LAMA3: variants seen among roughly 807,000 people sequenced by gnomAD.
LAMA3 encodes laminin subunit alpha 3, also known as laminin subunit alpha-3.
LAMA3 carries 281 observed loss-of-function variants against 402.0 expected under a neutral mutation model. The observed-to-expected ratio is 0.70, with a 90% CI of 0.63 to 0.77. LAMA3 has a LOEUF of 0.77. Ranked by LOEUF, LAMA3 falls within the 30% of genes least tolerant of loss-of-function variation. The pLI is 0.00. For synonymous variants in LAMA3, 1,431 were observed against 1,558.4 expected (o/e 0.92, Z 1.93); for missense variants, 3,840 against 4,215.5 (o/e 0.91, Z 2.47).
chr18:23,731,941 A>G (rs2061401348), intron 2 of LAMA3, among the ~76,000 whole-genome samples: 1 of 152,100 alleles, frequency 6.6e-6, no homozygotes, highest in Admixed American at 6.6e-5. Context: ...AATAAAATAA[A>G]AGGCTAATGG....
chr18:23,881,304 T>A (rs2064888317), intron 39 of LAMA3, among the ~76,000 whole-genome samples: 1 of 152,244 alleles, frequency 6.6e-6, no homozygotes, highest in South Asian at 2.1e-4. Flanking sequence ...GACACTGGAA[T>A]TCAGTTGAGT....
chr18:23,905,131 C>G (rs2081199221), intron 51 of LAMA3, among the ~76,000 whole-genome samples: 1 of 152,046 alleles, frequency 6.6e-6, no homozygotes, highest in African/African-American at 2.4e-5. Context: ...AAATAAAGAA[C>G]AAAATATTAA....
intron 39 of LAMA3, among the ~76,000 whole-genome samples, chr18:23,877,167 C>T (rs915792144): frequency 6.6e-6 from 1 of 152,132 alleles, no homozygotes; most frequent in Non-Finnish European, 1.5e-5. Flanking sequence ...GCTGCTCACC[C>T]CTCCCGTCCT....
chr18:23,952,959 A>T, intron 73 of LAMA3, 31 bp from the exon 74 acceptor site: 1 of 1,613,700 alleles, frequency 6.2e-7, no homozygotes. Context: ...CTCACCTCCG[A>T]TGATAGACCT....
intron 6 of LAMA3, among the ~76,000 whole-genome samples, chr18:23,754,636 T>C (rs1253768220): frequency 6.6e-6 from 1 of 152,228 alleles, no homozygotes; most frequent in Non-Finnish European, 1.5e-5. Context: ...AAGGCTGCTG[T>C]GAACATGAAT....
intron 60 of LAMA3, among the ~76,000 whole-genome samples, chr18:23,919,626 A>G (rs1475646336): frequency 6.6e-6 from 1 of 152,186 alleles, no homozygotes; most frequent in Non-Finnish European, 1.5e-5. Context: ...TGAACAGGAC[A>G]TGGGGACAGG....
rs890235999 is a variant in LAMA3, at chr18:23,689,668, G to A, written c.-16G>A. The A allele has an allele frequency of 1.3e-5, 17 of 1,309,554 alleles. No homozygotes were observed. The highest frequency in any genetic ancestry group is 4.2e-5 in the Admixed American group (1 of 23,774). 81.1% of individuals were successfully genotyped at this position (1,309,554 alleles called of 1,614,324 possible). The stretch of plus-strand genomic sequence containing the variant: ...CCTCTGCGGACGGCTCAGGCGGGAG[G>A]ACCCCGCGCGGCTGGATGGCGGCGG... On this transcript the variant is annotated 5_prime_UTR_variant, in exon 1 of 75. Transcript: ENST00000313654.
Position 23,778,665 on chromosome 18 carries a change from A to C in LAMA3, c.1468+1046A>C, listed in dbSNP as rs117577979. On this transcript the variant is annotated intron_variant, in intron 11 of 74. Transcript: ENST00000313654. ...CGCACACAGCCCACGACTGGGCACC[A>C]TCGGACTCATGCTCACATCTCCTGA... is the stretch of plus-strand genomic sequence containing the variant. Among the ~76,000 whole-genome samples the C allele has an allele frequency of 3.0e-4, 45 of 152,340 alleles. 2 individuals carry two copies. The East Asian group carries it at 8.3e-3, about 28-fold the overall frequency.
intron 8 of LAMA3, among the ~76,000 whole-genome samples, chr18:23,769,370 T>C (rs1049040503): frequency 1.3e-5 from 2 of 151,834 alleles, no homozygotes; most frequent in African/African-American, 2.4e-5. Context: ...AAAATTAGAG[T>C]ATGTAGGGCC....
chr18:23,883,182 G>A (rs1214074923), intron 40 of LAMA3, among the ~76,000 whole-genome samples: 2 of 152,206 alleles, frequency 1.3e-5, no homozygotes, highest in African/African-American at 2.4e-5. Flanking sequence ...CCTGCAGGCT[G>A]TGGTCAAGCA....
chr18:23,708,922 T>TA (rs1238460077), intron 1 of LAMA3, among the ~76,000 whole-genome samples: 38 of 94,964 alleles, frequency 4.0e-4, no homozygotes, highest in Admixed American at 1.5e-3. Flanking sequence ...CACACCTGGC[T>TA]AATTAAAAAA....
chr18:23,839,908 G>A lies in LAMA3; in HGVS notation c.3315G>A (p.Gly1105=). 1.9e-6 allele frequency: 3 copies of A among 1,614,072 alleles called. No individual in the cohort carries two copies. Among genetic ancestry groups the A allele is most frequent in the Non-Finnish European group, 1.7e-6 (2 of 1,180,022 alleles). The part of the protein sequence containing the change: ...QSSPSVDVLP[G]VTLKAPQNQV... ...CACCTTCTGTTGATGTTCTTCCTGG[G>A]GTCACCTTGAAGGCACCGCAGGTAG... is the stretch of plus-strand genomic sequence containing the variant. Residue 1105 remains glycine, a synonymous_variant, in exon 27 of 75, where the codon GGG becomes GGA. Coordinates refer to ENST00000313654, the MANE Select transcript of LAMA3 (RefSeq NM_198129.4). This position sits in a 1 kb window ranked among gnomAD's most constrained non-coding sequence, Gnocchi z 4.5.
chr18:23,853,964 A>G (rs1269835053), intron 32 of LAMA3, among the ~76,000 whole-genome samples: 1 of 152,178 alleles, frequency 6.6e-6, no homozygotes, highest in Non-Finnish European at 1.5e-5. Flanking sequence ...AGGATGCATA[A>G]CTCAATTATC....
chr18:23,754,686 A>G (rs79284652), intron 6 of LAMA3, among the ~76,000 whole-genome samples: 8,784 of 152,242 alleles, frequency 0.058, 560 homozygotes, highest in Admixed American at 0.18. Flanking sequence ...TTTTGCATAC[A>G]ATAATATGCA....
rs766743720 is a variant in LAMA3 at position 23,751,075 on chromosome 18, C to T, written c.842C>T (p.Thr281Ile). 6.2e-7 allele frequency: 1 copy of T among 1,614,140 alleles called. No homozygotes were observed. The highest frequency in any genetic ancestry group is 8.5e-7 in the Non-Finnish European group (1 of 1,179,994). Residue 281 changes from threonine (T) to isoleucine (I), a missense_variant, in exon 5 of 75, where the codon ACT becomes ATT. Around this residue, in one of 3 missense-constraint regions of LAMA3, gnomAD observed 2,109 missense variants for 2,376.0 expected, o/e 0.89. Coordinates refer to ENST00000313654, the MANE Select transcript of LAMA3 (RefSeq NM_198129.4). ...HLISKAQRDP[T>I]VTRRYYYSIK... ...ATCTCCAAAGCCCAGCGAGATCCAA[C>T]TGTCACTCGGCGGGTGAGTAGTCAG...
intron 12 of LAMA3, among the ~76,000 whole-genome samples, chr18:23,795,529 A>G (rs2062745294): frequency 6.6e-6 from 1 of 152,242 alleles, no homozygotes; most frequent in Non-Finnish European, 1.5e-5. Flanking sequence ...AATAGTTAAA[A>G]TGAGTACTAG....
Position 23,784,116 on chromosome 18 carries a change from A to T in LAMA3, c.1562A>T (p.Asp521Val), listed in dbSNP as rs757754605. ...CCTGGGGTTGAGGGCCCTCGATGTG[A>T]TACCTGCCGCTCTGGTTTCTACTCA... is the stretch of plus-strand genomic sequence containing the variant. ...CRPGVEGPRCDTCRSGFYSFP... is the reference protein window; with the variant it reads ...CRPGVEGPRCVTCRSGFYSFP... The change falls in exon 12 of 75, where the codon GAT becomes GTT. Residue 521 changes from aspartate to valine, a missense_variant. This residue lies in a region of LAMA3 where 2,109 missense variants were observed against 2,376.0 expected (regional missense o/e 0.89). Transcript: ENST00000313654. 2.5e-6 allele frequency: 4 copies of T among 1,614,094 alleles called. No homozygotes were observed. The highest frequency in any genetic ancestry group is 1.7e-5 in the Admixed American group (1 of 60,016).
At chr18:23,798,852 A>C (rs1361732465) in intron 12 of LAMA3, among the ~76,000 whole-genome samples, 1 of 152,198 alleles carries the variant, frequency 6.6e-6, no homozygotes, top group East Asian at 1.9e-4. Context: ...TCCCTCAAGC[A>C]CTAAGGAGCT....
chr18:23,793,914 C>A (rs953227381), intron 12 of LAMA3, among the ~76,000 whole-genome samples: 5 of 152,220 alleles, frequency 3.3e-5, no homozygotes, highest in Admixed American at 6.5e-5. Context: ...CGCAAACCTC[C>A]TTTGGATTCA....
Sources: allele counts gnomAD v4.1 joint callset (sites outside exome capture counted in the v4.1 genomes callset), GRCh38; gene constraint gnomAD v4.1.1; regional missense constraint gnomAD v4.1.1; non-coding constraint Gnocchi (gnomAD v3.1); transcripts MANE v1.5; gene names NCBI Gene and HGNC (gene_info 2026-07-23, HGNC 2026-07-21).